IL3RA: variants seen among roughly 807,000 people sequenced by gnomAD.
IL3RA encodes the protein interleukin-3 receptor subunit alpha.
IL3RA carries 73 observed loss-of-function variants against 52.3 expected under a neutral mutation model. The observed-to-expected ratio is 1.40, with a 90% CI of 1.16 to 1.70. The LOEUF is 1.70. Ranked by LOEUF, IL3RA falls within the 40% of genes most tolerant of loss-of-function variation. The pLI is 0.00. For missense variants in IL3RA, 664 were observed against 504.4 expected, an observed-to-expected ratio of 1.32 and a Z score of -3.03; for synonymous variants, 260 against 194.0, an observed-to-expected ratio of 1.34 and a Z score of -2.83.
intron 2 of IL3RA, among the ~76,000 whole-genome samples, chrX:1,344,731 C>A (rs1192146632): frequency 1.3e-5 from 2 of 151,562 alleles, no homozygotes; most frequent in African/African-American, 2.4e-5. Flanking sequence ...TGAGATCGTG[C>A]CACTGCACTC....
At chrX:1,340,519 CACAT>C (rs1375455383) in intron 1 of IL3RA, among the ~76,000 whole-genome samples, 6 of 152,176 alleles carry the variant, frequency 3.9e-5, no homozygotes, top group Admixed American at 3.9e-4. Context: ...CATACATTCA[CACAT>C]GCATGCACAT....
intron 9 of IL3RA, among the ~76,000 whole-genome samples, chrX:1,368,442 C>T (rs1293504459): frequency 6.6e-6 from 1 of 151,974 alleles, no homozygotes; most frequent in Non-Finnish European, 1.5e-5. Context: ...AAAATTAGGT[C>T]AGGTGCTGTG....
At chrX:1,381,948 G>GTTTTT (rs1469206588) in intron 11 of IL3RA, among the ~76,000 whole-genome samples, 2 of 130,990 alleles carry the variant, frequency 1.5e-5, no homozygotes, top group African/African-American at 5.1e-5. Flanking sequence ...GTTTTGTTTT[G>GTTTTT]TTTGTTTTTG....
intron 1 of IL3RA, among the ~76,000 whole-genome samples, chrX:1,339,485 C>T (rs1158383019): frequency 4.6e-5 from 7 of 152,262 alleles, no homozygotes; most frequent in East Asian, 1.9e-4. Flanking sequence ...CTGACGCTAA[C>T]GCCATTTGGT....
At chrX:1,361,977 ACT>A (rs1386548817) in intron 8 of IL3RA, among the ~76,000 whole-genome samples, 68 of 149,996 alleles carry the variant, frequency 4.5e-4, no homozygotes, top group Admixed American at 1.1e-3. Context: ...TACATCACCC[ACT>A]CTCTCTGTCT....
At chrX:1,353,645 T>TCA in intron 6 of IL3RA, among the ~76,000 whole-genome samples, 1 of 32,900 alleles carries the variant, frequency 3.0e-5, no homozygotes, top group African/African-American at 1.7e-4. Context: ...CCATCATGGG[T>TCA]TCCATCACGG....
At chrX:1,343,510 C>T (rs2085576051) in intron 2 of IL3RA, among the ~76,000 whole-genome samples, 1 of 150,394 alleles carries the variant, frequency 6.6e-6, no homozygotes, top group Admixed American at 6.7e-5. Flanking sequence ...ACTAAAAATA[C>T]AAAAAAATTA....
intron 3 of IL3RA, among the ~76,000 whole-genome samples, chrX:1,345,635 G>A (rs1211734202): frequency 7.9e-5 from 12 of 151,592 alleles, no homozygotes; most frequent in South Asian, 4.2e-4. Context: ...GACTACAGGC[G>A]CCCGCCACCA....
At chrX:1,343,642 G>C (rs1213244543) in intron 2 of IL3RA, among the ~76,000 whole-genome samples, 1 of 143,784 alleles carries the variant, frequency 7.0e-6, no homozygotes, top group East Asian at 2.0e-4. Flanking sequence ...ACTCCAACCT[G>C]GGTGACAGAG....
At chrX:1,368,102 G>A (rs765023001) in intron 9 of IL3RA, among the ~76,000 whole-genome samples, 2 of 152,048 alleles carry the variant, frequency 1.3e-5, no homozygotes, top group Non-Finnish European at 2.9e-5. Flanking sequence ...TACAAAAAAT[G>A]TAACAAATTA....
At chrX:1,350,131 G>C (rs1458953641) in intron 4 of IL3RA, among the ~76,000 whole-genome samples, 15 of 152,132 alleles carry the variant, frequency 9.9e-5, no homozygotes, top group African/African-American at 3.1e-4. Flanking sequence ...AGGAGTGAGA[G>C]CTGAGAGAGG....
At chrX:1,380,927 T>C in intron 10 of IL3RA, 96 bp from the exon 11 acceptor site, 1 of 1,047,032 alleles carries the variant, frequency 9.6e-7, no homozygotes, top group Admixed American at 1.9e-5. Flanking sequence ...AGTCTTTTGC[T>C]CTGTCCTGGC....
intron 7 of IL3RA, 47 bp downstream of exon 7, chrX:1,356,383 C>G (rs2086716253): frequency 7.8e-7 from 1 of 1,281,394 alleles, no homozygotes; most frequent in South Asian, 1.3e-5. Context: ...GTGGACATCC[C>G]TTATTTTTGG....
chrX:1,379,485 G>T (rs1263600171), intron 10 of IL3RA, among the ~76,000 whole-genome samples: 1 of 152,084 alleles, frequency 6.6e-6, no homozygotes, highest in Non-Finnish European at 1.5e-5. Context: ...AAGACCAGGG[G>T]CCAGGTCCTC....
chrX:1,349,383 T>G (rs1276734756), intron 4 of IL3RA, among the ~76,000 whole-genome samples: 2 of 151,984 alleles, frequency 1.3e-5, no homozygotes, highest in South Asian at 4.2e-4. Flanking sequence ...GGTTTCACCA[T>G]GTTGGTCAGG....
chrX:1,378,606 T>C lies in IL3RA; in HGVS notation c.875-53T>C. 2.0e-6 allele frequency: 3 copies of C among 1,481,246 alleles called. No individual in the cohort carries two copies. The Admixed American group carries it at 5.4e-5, about 27-fold the overall frequency. The allele number at this position is 1,481,246 out of a possible 1,614,324, so 91.8% of individuals were successfully genotyped here. A position where few individuals can be genotyped will look rare whatever the true frequency, so the allele number is the denominator to read the frequency against. On this transcript the variant is annotated intron_variant, in intron 9 of 11. Transcript: ENST00000331035. ...GGCCCCGGGGAGAGCTTACAGTCCC[T>C]GGTCCCCCCAGGACGGCCCCCGGTC...
chrX:1,342,805 T>C (rs1329620084), intron 2 of IL3RA, among the ~76,000 whole-genome samples: 1 of 146,864 alleles, frequency 6.8e-6, no homozygotes, highest in Admixed American at 6.8e-5. Context: ...ATGATCCGCC[T>C]GCCTCGGGGT....
At chrX:1,354,461 A>G (rs1569522490) in intron 6 of IL3RA, among the ~76,000 whole-genome samples, 2 of 147,538 alleles carry the variant, frequency 1.4e-5, no homozygotes, top group Non-Finnish European at 1.5e-5. Context: ...GGACAAGGAG[A>G]AGAGAAGGGA....
At chrX:1,378,137 C>T (rs1403307611) in intron 9 of IL3RA, among the ~76,000 whole-genome samples, 6 of 146,292 alleles carry the variant, frequency 4.1e-5, no homozygotes, top group African/African-American at 1.3e-4. Context: ...GAGCTGAGAT[C>T]GTGCCACTGC....
Sources: allele counts gnomAD v4.1 joint callset (sites outside exome capture counted in the v4.1 genomes callset), GRCh38; gene constraint gnomAD v4.1.1; transcripts MANE v1.5; gene names NCBI Gene and HGNC (gene_info 2026-07-23, HGNC 2026-07-21).